ZNF512: variants seen among roughly 807,000 people sequenced by gnomAD.
ZNF512 encodes the protein zinc finger protein 512.
A neutral mutation model predicts 77.5 loss-of-function variants in ZNF512; 25 were observed. That is an observed-to-expected ratio of 0.32 (90% CI 0.23 to 0.45). ZNF512 has a LOEUF of 0.45. ZNF512 is among the 20% of genes least tolerant of loss of function. The pLI is 1.00. For missense variants in ZNF512, 483 were observed against 692.6 expected, an observed-to-expected ratio of 0.70 and a Z score of 3.40; for synonymous variants, 246 against 239.9, an observed-to-expected ratio of 1.03 and a Z score of -0.24.
rs1428355493 is a variant in ZNF512, at chr2:27,607,930, G to A, written c.1022G>A (p.Arg341His). ...ESKSGGRVQR[R>H]SAKIAVYHLQ... The stretch of plus-strand genomic sequence containing the variant: ...AAGAGTGGGGGCCGAGTTCAGAGAC[G>A]TTCTGCCAAGATAGCTGTATACCAC... Residue 341 changes from arginine to histidine, a missense_variant, in exon 10 of 14, where the codon CGT becomes CAT. Coordinates refer to ENST00000355467, the MANE Select transcript of ZNF512 (RefSeq NM_032434.4). 5.0e-6 allele frequency: 8 copies of A among 1,613,992 alleles called. No individual in the cohort carries two copies. Among genetic ancestry groups the A allele is most frequent in the East Asian group, 4.5e-5 (2 of 44,884 alleles).
At chr2:27,584,262 C>T (rs1186169281) in intron 2 of ZNF512, among the ~76,000 whole-genome samples, 2 of 152,140 alleles carry the variant, frequency 1.3e-5, no homozygotes, top group Non-Finnish European at 2.9e-5. Flanking sequence ...ACATGAAATT[C>T]GTGCTCATAA....
Position 27,602,477 on chromosome 2 carries a change from C to A in ZNF512, c.684C>A (p.Ala228=), listed in dbSNP as rs747627772. The A allele has an allele frequency of 6.2e-7, 1 of 1,613,392 alleles. No homozygotes were observed. The highest frequency in any genetic ancestry group is 2.2e-5 in the East Asian group (1 of 44,848). ...ANHNSLPILK[A]GDEIDEPSER... ...TTGATTTCTAGCCCATTTTGAAAGC[C>A]GGAGATGAAATAGATGAGCCAAGTG... The change falls in exon 8 of 14, where the codon GCC becomes GCA. Residue 228 remains alanine (A), a synonymous_variant. Transcript: ENST00000355467.
rs1384410698 is a variant in ZNF512 at position 27,603,301 on chromosome 2, T to C, written c.930T>C (p.His310=). 1.2e-6 allele frequency: 2 copies of C among 1,613,824 alleles called. No homozygotes were observed. Among genetic ancestry groups the C allele is most frequent in the Non-Finnish European group, 1.7e-6 (2 of 1,179,850 alleles). Residue 310 remains histidine (H), a synonymous_variant, in exon 9 of 14, where the codon CAT becomes CAC. Transcript: ENST00000355467. The part of the protein sequence containing the change: ...AGLAYHLRSE[H]GPISFFPESG... ...TTGCATATCACCTGAGGTCAGAGCATGGGCCTGTGAGTACTGATTCCTTTC... is the reference window on the plus strand; with the variant it reads ...TTGCATATCACCTGAGGTCAGAGCACGGGCCTGTGAGTACTGATTCCTTTC...
chr2:27,618,366 C>T lies in ZNF512; in HGVS notation c.1395+795C>T, dbSNP rs138747249. 5.3e-3 allele frequency among the ~76,000 whole-genome samples: 801 copies of T among 152,250 alleles called. 14 individuals carry two copies. Among genetic ancestry groups the T allele is most frequent in the African/African-American group, 0.018 (746 of 41,518 alleles). ...ATGTCTTCCAGCAACCCATTTTTAA[C>T]GCTGTTTAAAATACTGGATAAAACA... On this transcript the variant is annotated intron_variant, in intron 13 of 13. Transcript: ENST00000355467.
At chr2:27,588,187 T>G (rs938955867) in intron 2 of ZNF512, among the ~76,000 whole-genome samples, 3 of 152,106 alleles carry the variant, frequency 2.0e-5, no homozygotes, top group Admixed American at 6.6e-5. Context: ...AGCAAAAGGT[T>G]TAAATTTATC....
chr2:27,596,391 C>CT lies in ZNF512; in HGVS notation c.90-1668dup, dbSNP rs368175810. On this transcript the variant is annotated intron_variant, in intron 2 of 13. Coordinates refer to ENST00000355467, the MANE Select transcript of ZNF512 (RefSeq NM_032434.4). ...GATTCATACATTGAATTAAGAGATT[C>CT]TTTTTTTTGCCTGTTTTCTCTCTAG... Among the ~76,000 whole-genome samples the CT allele has an allele frequency of 7.8e-4, 118 of 152,100 alleles. 4 individuals carry two copies. In the South Asian group the frequency reaches 0.018, roughly 24 times the overall value.
chr2:27,589,516 C>T lies in ZNF512; in HGVS notation c.89+5800C>T, dbSNP rs557917518. Among the ~76,000 whole-genome samples, 3 of 152,120 alleles carry T rather than the reference C, an allele frequency of 2.0e-5. No individual in the cohort carries two copies. In the South Asian group the frequency reaches 6.2e-4, roughly 32 times the overall value. On this transcript the variant is annotated intron_variant, in intron 2 of 13. Transcript: ENST00000355467. ...AGTCTAAGTCTAGCTACAGGGTTGT[C>T]AATTTTGTGATCATTTCAAAGAACC...
chr2:27,610,542 G>GTATATA (rs1558474726), intron 10 of ZNF512, among the ~76,000 whole-genome samples: 3 of 42,018 alleles, frequency 7.1e-5, no homozygotes, highest in African/African-American at 4.0e-4. Context: ...ATATATGTGT[G>GTATATA]TGTATATATA....
intron 2 of ZNF512, among the ~76,000 whole-genome samples, chr2:27,593,246 A>ACACACACACAC (rs1558465769): frequency 2.8e-5 from 4 of 141,218 alleles, no homozygotes; most frequent in Admixed American, 1.4e-4. Context: ...ACACACACAC[A>ACACACACACAC]AAAGAATGAG....
intron 9 of ZNF512, 125 bp downstream of exon 9, chr2:27,603,432 G>A (rs1000765950): frequency 6.1e-6 from 6 of 983,152 alleles, no homozygotes; most frequent in Non-Finnish European, 8.7e-6. Context: ...GAATGCTTGT[G>A]TGTTGTCTCT....
intron 2 of ZNF512, among the ~76,000 whole-genome samples, chr2:27,594,821 T>C (rs1010515436): frequency 1.3e-5 from 2 of 152,126 alleles, no homozygotes; most frequent in Admixed American, 1.3e-4. Flanking sequence ...ATCACGCCAC[T>C]GCACTCCAGC....
chr2:27,610,413 T>G (rs1385049573), intron 10 of ZNF512, among the ~76,000 whole-genome samples: 3 of 147,724 alleles, frequency 2.0e-5, no homozygotes, highest in Non-Finnish European at 4.5e-5. Context: ...ATTGATAAAG[T>G]TGGGTATTCT....
At chr2:27,598,286 G>A in intron 3 of ZNF512, 32 bp downstream of exon 3, 1 of 1,574,856 alleles carries the variant, frequency 6.3e-7, no homozygotes, top group South Asian at 1.1e-5. Context: ...TCTGAAGACG[G>A]GCCACTTCCT....
In ZNF512 at chr2:27,593,774, CTT is replaced by C. The variant is rs1408487353; in HGVS notation, c.90-4291_90-4290del. ...TGTATTTTTCTGCCTTAGTATCTTT[CTT>C]TCTTTCTTTTTTTTTTTTTCCATTT... On this transcript the variant is annotated intron_variant, in intron 2 of 13. Transcript: ENST00000355467. 4.8e-5 allele frequency among the ~76,000 whole-genome samples: 7 copies of C among 145,652 alleles called. No homozygotes were observed. In the East Asian group the frequency reaches 1.2e-3, roughly 25 times the overall value.
At chr2:27,602,647 T>C (rs747347299) in intron 8 of ZNF512, 86 bp downstream of exon 8, 79 of 1,155,248 alleles carry the variant, frequency 6.8e-5, no homozygotes, top group Non-Finnish European at 5.7e-5. Flanking sequence ...CTCTTCCTCA[T>C]TGTAGACTTC....
rs548817020 is a variant in ZNF512 at position 27,602,642 on chromosome 2, C to T, written c.768+81C>T. On this transcript the variant is annotated intron_variant, in intron 8 of 13. Coordinates refer to ENST00000355467, the MANE Select transcript of ZNF512 (RefSeq NM_032434.4). ...CGTTCTTCTTTCCATTTCTTCTCTT[C>T]CTCATTGTAGACTTCCTAGTTCTGT... 168 of 1,247,800 alleles carry T rather than the reference C, an allele frequency of 1.3e-4. 1 individual carries two copies. The South Asian group carries it at 2.2e-3, about 16-fold the overall frequency. 77.3% of individuals were successfully genotyped at this position (1,247,800 alleles called of 1,614,324 possible).
intron 9 of ZNF512, among the ~76,000 whole-genome samples, chr2:27,604,282 G>A (rs1213672065): frequency 6.6e-6 from 1 of 152,026 alleles, no homozygotes; most frequent in Non-Finnish European, 1.5e-5. Flanking sequence ...GCTTTTATGG[G>A]CATCTGTCCA....
intron 2 of ZNF512, among the ~76,000 whole-genome samples, chr2:27,584,467 A>T (rs1215248370): frequency 6.6e-6 from 1 of 152,238 alleles, no homozygotes; most frequent in African/African-American, 2.4e-5. Context: ...CATTTACTAC[A>T]TGTTTGCTGT....
chr2:27,602,580 C>T lies in ZNF512; in HGVS notation c.768+19C>T. 1 of 1,589,850 alleles carries T rather than the reference C, an allele frequency of 6.3e-7. No homozygotes were observed. The highest frequency in any genetic ancestry group is 1.2e-5 in the South Asian group (1 of 86,566). ...GCGTGAGGTAAGGGCCCAAGGACAG[C>T]AATTCCTTCTGCCTGAATTCTCAGG... On this transcript the variant is annotated intron_variant, in intron 8 of 13. Transcript: ENST00000355467.
Sources: gnomAD v4.1 joint callset for allele counts (sites outside exome capture counted in the v4.1 genomes callset) on GRCh38, gnomAD v4.1.1 for gene constraint, MANE v1.5 for transcripts, NCBI Gene and HGNC (gene_info 2026-07-23, HGNC 2026-07-21) for gene names.